CFAP58: variants seen among roughly 807,000 people sequenced by gnomAD.
The protein encoded by CFAP58 is cilia and flagella associated protein 58, also known as cilia- and flagella-associated protein 58.
In CFAP58, 88 loss-of-function variants were observed where a neutral mutation model predicts 119.5. The ratio of observed to expected loss-of-function variants is 0.74; its 90% confidence interval spans 0.62 to 0.88. The LOEUF is 0.88. Ranked by LOEUF, CFAP58 falls within the 40% of genes least tolerant of loss-of-function variation. The pLI, the probability that CFAP58 is intolerant of heterozygous loss-of-function variation, is 0.00. For missense variants in CFAP58, 990 were observed against 1,021.2 expected, an observed-to-expected ratio of 0.97 and a Z score of 0.42; for synonymous variants, 365 against 366.3, an observed-to-expected ratio of 1.00 and a Z score of 0.04.
chr10:104,353,964 C>A, intron 1 of CFAP58, 58 bp downstream of exon 1: 1 of 1,591,194 alleles, frequency 6.3e-7, no homozygotes, highest in Non-Finnish European at 8.6e-7. Flanking sequence ...TTGTCCCTCT[C>A]CTACTGACGA....
At chr10:104,399,652 A>C in intron 12 of CFAP58, 152 bp downstream of exon 12, 1 of 804,952 alleles carries the variant, frequency 1.2e-6, no homozygotes, top group South Asian at 1.9e-5. Context: ...TTAATTATGA[A>C]ATATTCACTC....
At chr10:104,433,902 T>C (rs937231384) in intron 15 of CFAP58, among the ~76,000 whole-genome samples, 2 of 152,242 alleles carry the variant, frequency 1.3e-5, no homozygotes, top group Non-Finnish European at 2.9e-5. Context: ...AATGTACAGT[T>C]ACACGGCTGC....
rs1278060648 is a variant in CFAP58 at position 104,453,496 on chromosome 10, C to T, written c.2511-926C>T. Among the ~76,000 whole-genome samples the T allele has an allele frequency of 2.6e-5, 4 of 152,194 alleles. No homozygotes were observed. The South Asian group carries it at 8.3e-4, about 32-fold the overall frequency. ...TCACCCCTCTGCTCACACTGTGATC[C>T]CAAACTGCATCTGCCACTTCCCCTG... On this transcript the variant is annotated intron_variant, in intron 17 of 17. Transcript: ENST00000369704.
intron 3 of CFAP58, 72 bp downstream of exon 3, chr10:104,362,243 C>T: frequency 7.5e-7 from 1 of 1,332,408 alleles, no homozygotes; most frequent in Non-Finnish European, 1.0e-6. Flanking sequence ...CAGCCTGGGG[C>T]TTGCCAGTGT....
intron 5 of CFAP58, among the ~76,000 whole-genome samples, chr10:104,367,330 A>T (rs1024500405): frequency 2.6e-5 from 4 of 152,232 alleles, no homozygotes; most frequent in Non-Finnish European, 1.5e-5. Flanking sequence ...AATTCATATA[A>T]TTGAAAAGTC....
Position 104,371,030 on chromosome 10 carries a change from A to C in CFAP58, c.1066A>C (p.Asn356His). Residue 356 changes from asparagine (N) to histidine (H), a missense_variant, in exon 7 of 18, where the codon AAT becomes CAT. Physicochemically the swap from Asn to His is moderately conservative, Grantham distance 68 (BLOSUM62 1). Coordinates refer to ENST00000369704, the MANE Select transcript of CFAP58 (RefSeq NM_001008723.2). ...EVEQHKETLK[N>H]QIVGLEREVE... ...CGAACAGCACAAAGAAACCCTAAAAAATCAGATTGTGGGATTAGAGAGAGG... is the reference window on the plus strand; with the variant it reads ...CGAACAGCACAAAGAAACCCTAAAACATCAGATTGTGGGATTAGAGAGAGG... 1 of 1,610,542 alleles carries C rather than the reference A, an allele frequency of 6.2e-7. No individual in the cohort carries two copies. Among genetic ancestry groups the C allele is most frequent in the Non-Finnish European group, 8.5e-7 (1 of 1,179,000 alleles).
intron 8 of CFAP58, 40 bp from the exon 9 acceptor site, chr10:104,379,989 C>G (rs756529928): frequency 1.9e-6 from 3 of 1,564,354 alleles, no homozygotes; most frequent in Non-Finnish European, 2.6e-6. Flanking sequence ...AATCCTTGAA[C>G]ATTATGAGTA....
intron 3 of CFAP58, among the ~76,000 whole-genome samples, chr10:104,362,568 G>T (rs944155873): frequency 6.6e-6 from 1 of 152,094 alleles, no homozygotes; most frequent in African/African-American, 2.4e-5. Flanking sequence ...AGAAAACAGT[G>T]CTGCTCTTCC....
intron 15 of CFAP58, among the ~76,000 whole-genome samples, chr10:104,443,965 C>T (rs1366592930): frequency 1.3e-5 from 2 of 152,202 alleles, no homozygotes; most frequent in Non-Finnish European, 2.9e-5. Context: ...TTCATAATCA[C>T]ATCTGATGGC....
intron 15 of CFAP58, among the ~76,000 whole-genome samples, chr10:104,408,570 T>C (rs778814266): frequency 1.3e-5 from 2 of 152,246 alleles, no homozygotes; most frequent in Non-Finnish European, 2.9e-5. Context: ...CTTCCTTGTG[T>C]GTTCTGTTAT....
At chr10:104,355,192 A>T (rs1418184833) in intron 1 of CFAP58, among the ~76,000 whole-genome samples, 1 of 151,586 alleles carries the variant, frequency 6.6e-6, no homozygotes, top group Non-Finnish European at 1.5e-5. Flanking sequence ...TGTTCCTTCT[A>T]GTTCTTTATT....
chr10:104,351,409 C>T (rs553059525), upstream of CFAP58, among the ~76,000 whole-genome samples: 4 of 152,316 alleles, frequency 2.6e-5, no homozygotes, highest in African/African-American at 9.6e-5. Flanking sequence ...ATAGACAAAG[C>T]AATCTTAACA....
intron 15 of CFAP58, among the ~76,000 whole-genome samples, chr10:104,427,011 G>C (rs1012105280): frequency 6.6e-6 from 1 of 152,224 alleles, no homozygotes; most frequent in Non-Finnish European, 1.5e-5. Context: ...GTTAACAGCA[G>C]AGTGAATGGC....
intron 11 of CFAP58, 130 bp downstream of exon 11, chr10:104,393,605 C>T: frequency 1.2e-6 from 1 of 829,410 alleles, no homozygotes; most frequent in Non-Finnish European, 1.8e-6. Flanking sequence ...TTGCTAGTTA[C>T]CCAAACCAAG....
intron 1 of CFAP58, among the ~76,000 whole-genome samples, chr10:104,354,765 T>G (rs2014519714): frequency 6.6e-6 from 1 of 152,198 alleles, no homozygotes; most frequent in African/African-American, 2.4e-5. Flanking sequence ...TTACAAATAA[T>G]TTTAAGACAG....
At chr10:104,357,529 G>A (rs1369841645) in intron 1 of CFAP58, among the ~76,000 whole-genome samples, 3 of 152,122 alleles carry the variant, frequency 2.0e-5, no homozygotes, top group Non-Finnish European at 4.4e-5. Context: ...GCAATAAGAA[G>A]CAGGGCCCAG....
At chr10:104,354,899 C>G (rs1213062301) in intron 1 of CFAP58, among the ~76,000 whole-genome samples, 1 of 152,120 alleles carries the variant, frequency 6.6e-6, no homozygotes, top group Non-Finnish European at 1.5e-5. Flanking sequence ...CGTGCTCCAC[C>G]CCCTCCCCAC....
At chr10:104,350,392 G>A (rs1158195942), upstream of CFAP58, among the ~76,000 whole-genome samples, 1 of 152,150 alleles carries the variant, frequency 6.6e-6, no homozygotes, top group African/African-American at 2.4e-5. Flanking sequence ...ACAACACAGG[G>A]GAGCAGGGTG....
rs561082233 is a variant in CFAP58 at position 104,450,353 on chromosome 10, T to C, written c.2510+149T>C. 1.8e-5 allele frequency: 15 copies of C among 822,464 alleles called. No homozygotes were observed. In the Admixed American group the frequency reaches 2.7e-4, roughly 15 times the overall value. The allele number at this position is 822,464 out of a possible 1,614,324, so 50.9% of individuals were successfully genotyped here. On this transcript the variant is annotated intron_variant, in intron 17 of 17. Coordinates refer to ENST00000369704, the MANE Select transcript of CFAP58 (RefSeq NM_001008723.2). ...GACATTCTACAGGTCACTAAGTTTG[T>C]ATCAGAGCAAGATCAGTGTCTCATC...
Sources: allele counts gnomAD v4.1 joint callset (sites outside exome capture counted in the v4.1 genomes callset), GRCh38; gene constraint gnomAD v4.1.1; transcripts MANE v1.5; gene names NCBI Gene and HGNC (gene_info 2026-07-23, HGNC 2026-07-21).